Variants in GAS2 observed in about 807,000 individuals in gnomAD.
GAS2 encodes growth arrest-specific protein 2.
In GAS2, 20 loss-of-function variants were observed where a neutral mutation model predicts 37.5. That is an observed-to-expected ratio of 0.53 (90% CI 0.37 to 0.77). The LOEUF is 0.77. Ranked by LOEUF, GAS2 falls within the 30% of genes least tolerant of loss-of-function variation. The pLI, the probability that GAS2 is intolerant of heterozygous loss-of-function variation, is 0.00. For missense variants in GAS2, 336 were observed against 373.4 expected (o/e 0.90, Z 0.82); for synonymous variants, 144 against 132.2 (o/e 1.09, Z -0.61).
At chr11:22,755,012 GCAGA>G (rs1564872170) in intron 6 of GAS2, among the ~76,000 whole-genome samples, 3 of 152,106 alleles carry the variant, frequency 2.0e-5, no homozygotes, top group African/African-American at 4.8e-5. Context: ...TAGTTGAAGA[GCAGA>G]CAGAGTGGGT....
At chr11:22,634,087 T>A (rs962565487) in intron 1 of GAS2, among the ~76,000 whole-genome samples, 5 of 152,160 alleles carry the variant, frequency 3.3e-5, no homozygotes, top group African/African-American at 1.2e-4. Context: ...TTTAGTTGAT[T>A]CACAGTTCCA....
At chr11:22,717,760 C>G (rs746426883) in intron 3 of GAS2, among the ~76,000 whole-genome samples, 1 of 116,438 alleles carries the variant, frequency 8.6e-6, no homozygotes, top group Non-Finnish European at 1.8e-5. Flanking sequence ...ACAAGGAACT[C>G]AAACAAATCA....
chr11:22,688,984 C>T (rs140151540), intron 3 of GAS2, among the ~76,000 whole-genome samples: 190 of 152,176 alleles, frequency 1.2e-3, no homozygotes, highest in Admixed American at 2.0e-3. Flanking sequence ...ATGTCCTTTG[C>T]AGAAACATGG....
At chr11:22,736,812 G>A (rs1025018110) in intron 4 of GAS2, among the ~76,000 whole-genome samples, 4 of 150,730 alleles carry the variant, frequency 2.7e-5, no homozygotes, top group African/African-American at 9.7e-5. Context: ...ACTGTTCTCA[G>A]TGCAAATTTT....
rs77688243 is a variant in GAS2, at chr11:22,712,541, A to G, written c.268-13751A>G. 3.5e-4 allele frequency among the ~76,000 whole-genome samples: 54 copies of G among 152,320 alleles called. No homozygotes were observed. In the East Asian group the frequency reaches 7.3e-3, roughly 21 times the overall value. Reference sequence around the variant, plus strand: ...AAGGATTACCCTGTGGGACAAAACAATCTGAACAGCAGCGCTTGAGTTCCA... The same window carrying G: ...AAGGATTACCCTGTGGGACAAAACAGTCTGAACAGCAGCGCTTGAGTTCCA... On this transcript the variant is annotated intron_variant, in intron 3 of 7. Transcript: ENST00000454584.
At chr11:22,789,339 C>A (rs11026791) in intron 7 of GAS2, among the ~76,000 whole-genome samples, 2 of 132,538 alleles carry the variant, frequency 1.5e-5, no homozygotes, top group Non-Finnish European at 3.2e-5. Context: ...CACAAACACA[C>A]ACACACACAT....
chr11:22,748,178 C>T (rs932296966), intron 5 of GAS2, among the ~76,000 whole-genome samples: 1 of 151,846 alleles, frequency 6.6e-6, no homozygotes, highest in Non-Finnish European at 1.5e-5. Flanking sequence ...TTTTAACACC[C>T]AGTCACCTGA....
At chr11:22,811,750 C>G in intron 7 of GAS2, 48 bp from the exon 8 acceptor site, 1 of 1,547,274 alleles carries the variant, frequency 6.5e-7, no homozygotes, top group Non-Finnish European at 8.9e-7. Flanking sequence ...ATTCAAGGTA[C>G]TGTAAGAATT....
At position 22,803,135 on chromosome 11, in the gene GAS2, G is replaced by A. The variant is rs536296178; in HGVS notation, c.724-8663G>A. 9.9e-5 allele frequency among the ~76,000 whole-genome samples: 15 copies of A among 152,140 alleles called. No individual in the cohort carries two copies. In the South Asian group the frequency reaches 3.1e-3, roughly 32 times the overall value. On this transcript the variant is annotated intron_variant, in intron 7 of 7. Transcript: ENST00000454584. ...GCATTGATGCTACTGGTCAAGAGCC[G>A]CTACCTTTTAGAATGAAGAACACAA...
upstream of GAS2, among the ~76,000 whole-genome samples, chr11:22,664,780 A>G (rs2133849285): frequency 6.6e-6 from 1 of 152,236 alleles, no homozygotes; most frequent in East Asian, 1.9e-4. Flanking sequence ...CAAGATAAAA[A>G]TCAAATGGGA....
chr11:22,639,598 T>A (rs770953437), intron 1 of GAS2, among the ~76,000 whole-genome samples: 23 of 152,176 alleles, frequency 1.5e-4, no homozygotes, highest in African/African-American at 5.3e-4. Flanking sequence ...GATAGAAGAC[T>A]TTATGCATGT....
At chr11:22,775,900 C>A (rs1370145429) in intron 7 of GAS2, among the ~76,000 whole-genome samples, 1 of 152,128 alleles carries the variant, frequency 6.6e-6, no homozygotes, top group East Asian at 1.9e-4. Flanking sequence ...CCACAATAAG[C>A]CTTTCATAGA....
intron 3 of GAS2, among the ~76,000 whole-genome samples, chr11:22,692,165 G>A (rs1850275593): frequency 6.6e-6 from 1 of 152,080 alleles, no homozygotes. Context: ...GATGGGGGTG[G>A]GGGAGCGGAA....
chr11:22,790,138 C>A (rs760633112), intron 7 of GAS2, among the ~76,000 whole-genome samples: 8 of 144,728 alleles, frequency 5.5e-5, no homozygotes, highest in Non-Finnish European at 1.2e-4. Context: ...AGCAGTGCAT[C>A]CCGGAAAAAA....
At chr11:22,641,302 C>CTATATATA (rs1181820787) in intron 1 of GAS2, among the ~76,000 whole-genome samples, 2 of 10,140 alleles carry the variant, frequency 2.0e-4, no homozygotes, top group South Asian at 7.8e-3. Context: ...ATATATATAT[C>CTATATATA]TTTATATATA....
At chr11:22,647,043 G>C (rs926475776) in intron 1 of GAS2, among the ~76,000 whole-genome samples, 1 of 151,056 alleles carries the variant, frequency 6.6e-6, no homozygotes, top group Non-Finnish European at 1.5e-5. Flanking sequence ...TCTAGCATTA[G>C]GTATATCTCC....
At chr11:22,724,360 T>G (rs1250719522) in intron 3 of GAS2, among the ~76,000 whole-genome samples, 2 of 152,022 alleles carry the variant, frequency 1.3e-5, no homozygotes, top group Non-Finnish European at 2.9e-5. Context: ...TCTTGATGTA[T>G]TTTTGTTTTT....
At chr11:22,643,556 A>G (rs542535694) in intron 1 of GAS2, among the ~76,000 whole-genome samples, 2 of 152,124 alleles carry the variant, frequency 1.3e-5, no homozygotes, top group East Asian at 3.9e-4. Flanking sequence ...TCACCCACAT[A>G]TCTTCTGTAG....
At chr11:22,669,158 A>G (rs1199177119) in intron 1 of GAS2, among the ~76,000 whole-genome samples, 2 of 152,236 alleles carry the variant, frequency 1.3e-5, no homozygotes, top group African/African-American at 4.8e-5. Flanking sequence ...ATAGTTAACT[A>G]AAACAGAAAT....
Sources: allele counts gnomAD v4.1 joint callset (sites outside exome capture counted in the v4.1 genomes callset), GRCh38; gene constraint gnomAD v4.1.1; transcripts MANE v1.5; gene names NCBI Gene and HGNC (gene_info 2026-07-23, HGNC 2026-07-21).